Variants in LUZP2 observed in about 807,000 individuals in gnomAD.
LUZP2 encodes the protein leucine zipper protein 2.
In LUZP2, 52 loss-of-function variants were observed where a neutral mutation model predicts 51.6. The observed-to-expected ratio is 1.01, with a 90% CI of 0.81 to 1.27. The LOEUF (loss-of-function observed/expected upper bound fraction) is 1.27, where lower values mean the gene tolerates loss of function less well. Among genes scored for constraint, LUZP2 ranks in the 50% most tolerant of loss-of-function variants. The pLI is 0.00. For missense variants in LUZP2, 436 were observed against 395.4 expected (o/e 1.10, Z -0.87); for synonymous variants, 154 against 137.3 (o/e 1.12, Z -0.85).
intron 1 of LUZP2, among the ~76,000 whole-genome samples, chr11:24,721,338 G>A (rs1858262645): frequency 1.5e-5 from 2 of 130,272 alleles, no homozygotes; most frequent in South Asian, 4.6e-4. Context: ...ATCTGATAAT[G>A]TAAAAGAAAA....
At chr11:24,682,725 G>T (rs1442577742) in intron 1 of LUZP2, among the ~76,000 whole-genome samples, 3 of 151,732 alleles carry the variant, frequency 2.0e-5, no homozygotes, top group Non-Finnish European at 2.9e-5. Context: ...AATGTTAGTG[G>T]CCAGGTGCAG....
intron 6 of LUZP2, among the ~76,000 whole-genome samples, chr11:24,907,755 G>A (rs1258504277): frequency 6.6e-6 from 1 of 152,180 alleles, no homozygotes; most frequent in Non-Finnish European, 1.5e-5. Flanking sequence ...GTGCACAGAA[G>A]TAAAAATGGG....
intron 1 of LUZP2, among the ~76,000 whole-genome samples, chr11:24,529,588 CAATAAG>C (rs1018665425): frequency 3.2e-4 from 49 of 150,912 alleles, no homozygotes; most frequent in Non-Finnish European, 1.2e-4. Flanking sequence ...GGTTAGGAAT[CAATAAG>C]AATAAGACAT....
intron 5 of LUZP2, among the ~76,000 whole-genome samples, chr11:24,852,251 A>G (rs969172898): frequency 6.6e-6 from 1 of 152,190 alleles, no homozygotes; most frequent in Non-Finnish European, 1.5e-5. Flanking sequence ...TTAGTGATAT[A>G]AATTTCCCTC....
chr11:24,852,546 T>C (rs1338857767), intron 5 of LUZP2, among the ~76,000 whole-genome samples: 2 of 152,174 alleles, frequency 1.3e-5, no homozygotes, highest in Non-Finnish European at 2.9e-5. Context: ...AGTTTTAGAA[T>C]AAGTGATGTG....
chr11:24,732,254 A>G (rs2133972613), intron 3 of LUZP2, 66 bp downstream of exon 3: 5 of 1,162,708 alleles, frequency 4.3e-6, no homozygotes, highest in Non-Finnish European at 6.2e-6. Flanking sequence ...GAAACTTCAC[A>G]AAATTTATTG....
At chr11:24,645,979 G>T (rs183622113) in intron 1 of LUZP2, among the ~76,000 whole-genome samples, 134 of 152,084 alleles carry the variant, frequency 8.8e-4, no homozygotes, top group African/African-American at 3.0e-3. Flanking sequence ...ATAGAAATAG[G>T]GGTCCTGGAG....
chr11:24,909,401 T>A (rs1022460203), intron 6 of LUZP2, among the ~76,000 whole-genome samples: 4 of 151,894 alleles, frequency 2.6e-5, no homozygotes, highest in African/African-American at 7.3e-5. Flanking sequence ...AGAGCATCAA[T>A]TATGTGGAAG....
At chr11:24,667,407 G>A (rs1438496680) in intron 1 of LUZP2, among the ~76,000 whole-genome samples, 1 of 151,914 alleles carries the variant, frequency 6.6e-6, no homozygotes, top group African/African-American at 2.4e-5. Context: ...GGCTGGTCTC[G>A]AACTCCTGAC....
chr11:24,574,902 T>G (rs1397057656), intron 1 of LUZP2, among the ~76,000 whole-genome samples: 2 of 152,112 alleles, frequency 1.3e-5, no homozygotes, highest in African/African-American at 2.4e-5. Context: ...ATTGCAAGTT[T>G]GTAAAGTAAT....
chr11:24,966,475 AAAGTCACAGT>A (rs2133888958), intron 7 of LUZP2, among the ~76,000 whole-genome samples: 1 of 150,602 alleles, frequency 6.6e-6, no homozygotes, highest in African/African-American at 2.4e-5. Flanking sequence ...TGTCTATCTC[AAAGTCACAGT>A]AATTTTATTC....
rs1288235889 is a variant in LUZP2, at chr11:24,758,923, GA to G, written c.334-4317del. Among the ~76,000 whole-genome samples, 6 of 151,874 alleles carry G rather than the reference GA, an allele frequency of 4.0e-5. No homozygotes were observed. In the East Asian group the frequency reaches 1.2e-3, roughly 29 times the overall value. On this transcript the variant is annotated intron_variant, in intron 4 of 11. Transcript: ENST00000336930. ...CTTCCTCATTGAATTTAAAAAATAT[GA>G]AAAAAGATGTATATCTGAAAAAATA...
In LUZP2 at chr11:24,858,004, T is replaced by A. The variant is rs377757567; in HGVS notation, c.397-47987T>A. Among the ~76,000 whole-genome samples the A allele has an allele frequency of 1.3e-3, 194 of 152,026 alleles. 1 individual carries two copies. Among genetic ancestry groups the A allele is most frequent in the African/African-American group, 4.6e-3 (189 of 41,408 alleles). ...ACATTCTTTTGTGCAGTTTCTTTCT[T>A]TTTTTTATTTTTTAATCTGGGATGA... On this transcript the variant is annotated intron_variant, in intron 5 of 11. Transcript: ENST00000336930.
intron 1 of LUZP2, among the ~76,000 whole-genome samples, chr11:24,617,250 G>A (rs1283260039): frequency 2.7e-5 from 4 of 150,668 alleles, no homozygotes; most frequent in Admixed American, 2.6e-4. Flanking sequence ...TATTCTGCAT[G>A]AGCCTATTTG....
At chr11:24,978,700 T>C (rs1450893708) in intron 8 of LUZP2, among the ~76,000 whole-genome samples, 2 of 151,768 alleles carry the variant, frequency 1.3e-5, no homozygotes, top group Non-Finnish European at 2.9e-5. Context: ...TAGGGAATAA[T>C]TGTATACTGA....
At chr11:25,022,449 T>A (rs1383409153) in intron 9 of LUZP2, among the ~76,000 whole-genome samples, 1 of 152,008 alleles carries the variant, frequency 6.6e-6, no homozygotes, top group Non-Finnish European at 1.5e-5. Context: ...GTATAAGGCA[T>A]TAGGGTTGTG....
intron 5 of LUZP2, among the ~76,000 whole-genome samples, chr11:24,885,729 A>C (rs1044921054): frequency 4.6e-5 from 7 of 152,152 alleles, no homozygotes; most frequent in African/African-American, 1.7e-4. Context: ...GTAGTATAAG[A>C]GATTATCTAA....
chr11:24,835,521 C>T (rs1850837744), intron 5 of LUZP2, among the ~76,000 whole-genome samples: 2 of 152,090 alleles, frequency 1.3e-5, no homozygotes, highest in Admixed American at 1.3e-4. Context: ...AATGAACAGG[C>T]AACCTACAGA....
At position 25,071,840 on chromosome 11, in the gene LUZP2, A is replaced by G. The variant is rs559697656; in HGVS notation, c.859-5489A>G. 7.8e-4 allele frequency among the ~76,000 whole-genome samples: 14 copies of G among 18,022 alleles called. No individual in the cohort carries two copies. The Admixed American group carries it at 0.012, about 15-fold the overall frequency. 11.8% of individuals were successfully genotyped at this position (18,022 alleles called of 152,430 possible). A position where few individuals can be genotyped will look rare whatever the true frequency, so the allele number is the denominator to read the frequency against. Reference sequence around the variant, plus strand: ...TAGTAAAAAAGAAATAAAAAATTTAAAAAAAGATAAAAAAAAATAAATAAA... The same window carrying G: ...TAGTAAAAAAGAAATAAAAAATTTAGAAAAAGATAAAAAAAAATAAATAAA... On this transcript the variant is annotated intron_variant, in intron 10 of 11. Transcript: ENST00000336930.
Sources: gnomAD v4.1 joint callset for allele counts (sites outside exome capture counted in the v4.1 genomes callset) on GRCh38, gnomAD v4.1.1 for gene constraint, MANE v1.5 for transcripts, NCBI Gene and HGNC (gene_info 2026-07-23, HGNC 2026-07-21) for gene names.